FSIP1: variants seen among roughly 807,000 people sequenced by gnomAD.
FSIP1 encodes the protein fibrous sheath-interacting protein 1.
In FSIP1, 65 loss-of-function variants were observed where a neutral mutation model predicts 60.9. The observed-to-expected ratio is 1.07, with a 90% CI of 0.87 to 1.31. FSIP1 has a LOEUF of 1.31. Ranked by LOEUF, FSIP1 falls within the 40% of genes most tolerant of loss-of-function variation. The pLI, the probability that FSIP1 is intolerant of heterozygous loss-of-function variation, is 0.00. For synonymous variants in FSIP1, 209 were observed against 221.2 expected (o/e 0.94, Z 0.49); for missense variants, 675 against 665.5 (o/e 1.01, Z -0.16).
At chr15:39,699,659 T>C (rs1353585257) in intron 10 of FSIP1, among the ~76,000 whole-genome samples, 3 of 152,150 alleles carry the variant, frequency 2.0e-5, no homozygotes, top group Admixed American at 6.5e-5. Context: ...TTCCTTCTAT[T>C]TCCTGTCATC....
At chr15:39,725,768 T>C (rs1035357419) in intron 9 of FSIP1, among the ~76,000 whole-genome samples, 4 of 151,952 alleles carry the variant, frequency 2.6e-5, no homozygotes, top group African/African-American at 7.3e-5. Context: ...TTTTCTGATA[T>C]GCCATACCTT....
chr15:39,654,948 A>G (rs1893015067), intron 10 of FSIP1, among the ~76,000 whole-genome samples: 1 of 152,246 alleles, frequency 6.6e-6, no homozygotes, highest in Non-Finnish European at 1.5e-5. Flanking sequence ...AAGACACACC[A>G]GCTGATAAAA....
intron 10 of FSIP1, among the ~76,000 whole-genome samples, chr15:39,634,416 T>C (rs1255487186): frequency 6.6e-6 from 1 of 152,220 alleles, no homozygotes; most frequent in Non-Finnish European, 1.5e-5. Flanking sequence ...ATCACACCAA[T>C]GCCCTGCACA....
At chr15:39,673,570 C>A (rs1176016537) in intron 10 of FSIP1, among the ~76,000 whole-genome samples, 1 of 152,218 alleles carries the variant, frequency 6.6e-6, no homozygotes, top group Non-Finnish European at 1.5e-5. Context: ...CCTGCCACAG[C>A]CTCCCAAAGC....
At chr15:39,722,191 T>G (rs1005673431) in intron 9 of FSIP1, among the ~76,000 whole-genome samples, 20 of 152,050 alleles carry the variant, frequency 1.3e-4, no homozygotes, top group African/African-American at 4.6e-4. Context: ...GGGATCTAGG[T>G]TGCATATTCC....
intron 7 of FSIP1, among the ~76,000 whole-genome samples, chr15:39,739,452 A>T (rs1177160725): frequency 6.6e-6 from 1 of 152,264 alleles, no homozygotes; most frequent in Non-Finnish European, 1.5e-5. Flanking sequence ...TACCATTTTT[A>T]AAAAGAGATA....
chr15:39,738,382 A>C (rs1216720180), intron 7 of FSIP1, among the ~76,000 whole-genome samples, 181 bp from the exon 8 acceptor site: 3 of 150,214 alleles, frequency 2.0e-5, no homozygotes, highest in African/African-American at 7.6e-5. Context: ...GCCATTCTCT[A>C]ATATCCAAAG....
intron 5 of FSIP1, among the ~76,000 whole-genome samples, chr15:39,751,489 G>A (rs1386734610): frequency 6.6e-6 from 1 of 150,382 alleles, no homozygotes; most frequent in East Asian, 1.9e-4. Flanking sequence ...AGGAGAACCT[G>A]CCTTTTGCCA....
At chr15:39,686,730 G>T (rs1306839367) in intron 10 of FSIP1, among the ~76,000 whole-genome samples, 1 of 152,190 alleles carries the variant, frequency 6.6e-6, no homozygotes, top group Admixed American at 6.5e-5. Context: ...AGTTTTAAAA[G>T]ATTTTTTAAA....
chr15:39,676,819 A>T (rs112961821), intron 10 of FSIP1, among the ~76,000 whole-genome samples: 1 of 152,222 alleles, frequency 6.6e-6, no homozygotes, highest in South Asian at 2.1e-4. Flanking sequence ...CAGGATTACC[A>T]TGAGTTTTCA....
intron 10 of FSIP1, among the ~76,000 whole-genome samples, chr15:39,627,358 C>T (rs371324163): frequency 4.4e-4 from 67 of 152,360 alleles, no homozygotes; most frequent in African/African-American, 1.6e-3. Context: ...CTCTTGGCTC[C>T]TTCCCAGGAT....
intron 10 of FSIP1, among the ~76,000 whole-genome samples, chr15:39,622,940 T>TTGTG (rs1891496283): frequency 6.6e-6 from 1 of 152,188 alleles, no homozygotes; most frequent in East Asian, 1.9e-4. Flanking sequence ...AGATTGGCTT[T>TTGTG]TGTGTGTACG....
chr15:39,714,677 G>A (rs1287272594), intron 9 of FSIP1, among the ~76,000 whole-genome samples: 1 of 151,548 alleles, frequency 6.6e-6, no homozygotes, highest in Non-Finnish European at 1.5e-5. Flanking sequence ...TGATTCAAAA[G>A]GGAAGGACAG....
chr15:39,659,711 G>C (rs1393367688), intron 10 of FSIP1, among the ~76,000 whole-genome samples: 6 of 149,614 alleles, frequency 4.0e-5, no homozygotes, highest in Non-Finnish European at 8.9e-5. Flanking sequence ...TTTGTGTCTG[G>C]TTAATTTCCT....
chr15:39,630,087 T>C (rs928943881), intron 10 of FSIP1, among the ~76,000 whole-genome samples: 1 of 152,222 alleles, frequency 6.6e-6, no homozygotes, highest in Admixed American at 6.5e-5. Context: ...CTGAAATATC[T>C]AATTACCCCT....
At chr15:39,671,035 C>T (rs1893698961) in intron 10 of FSIP1, among the ~76,000 whole-genome samples, 1 of 152,134 alleles carries the variant, frequency 6.6e-6, no homozygotes, top group Non-Finnish European at 1.5e-5. Context: ...GGTGTTAAAA[C>T]AAATCAGGTT....
At chr15:39,771,048 G>A (rs903975899) in intron 2 of FSIP1, among the ~76,000 whole-genome samples, 2 of 152,208 alleles carry the variant, frequency 1.3e-5, no homozygotes, top group African/African-American at 4.8e-5. Context: ...TCAGAACCCT[G>A]TGCTTTGGTC....
chr15:39,690,211 G>A (rs892864241), intron 10 of FSIP1, among the ~76,000 whole-genome samples: 1 of 152,212 alleles, frequency 6.6e-6, no homozygotes, highest in Admixed American at 6.5e-5. Flanking sequence ...GCCAGCCAGG[G>A]AATCTGGATT....
At chr15:39,678,599 C>T (rs904813659) in intron 10 of FSIP1, among the ~76,000 whole-genome samples, 6 of 152,114 alleles carry the variant, frequency 3.9e-5, no homozygotes, top group Non-Finnish European at 8.8e-5. Context: ...ATAATATACA[C>T]TAGAAAACAA....
Sources: gnomAD v4.1 joint callset for allele counts (sites outside exome capture counted in the v4.1 genomes callset) on GRCh38, gnomAD v4.1.1 for gene constraint, MANE v1.5 for transcripts, NCBI Gene and HGNC (gene_info 2026-07-23, HGNC 2026-07-21) for gene names.